Variants in DGKI observed in about 807,000 individuals in gnomAD.
DGKI encodes diacylglycerol kinase iota, also known as DAG kinase iota.
A neutral mutation model predicts 147.5 loss-of-function variants in DGKI; 55 were observed. The ratio of observed to expected loss-of-function variants is 0.37; its 90% CI spans 0.30 to 0.47. The LOEUF is 0.47. Ranked by LOEUF, DGKI falls within the 20% of genes least tolerant of loss-of-function variation. DGKI has a pLI of 1.00. For synonymous variants in DGKI, 469 were observed against 477.1 expected, an observed-to-expected ratio of 0.98 and a Z score of 0.22; for missense variants, 1,007 against 1,323.8, an observed-to-expected ratio of 0.76 and a Z score of 3.71.
At chr7:137,532,670 C>T (rs911716492) in intron 20 of DGKI, among the ~76,000 whole-genome samples, 1 of 152,062 alleles carries the variant, frequency 6.6e-6, no homozygotes, top group African/African-American at 2.4e-5. Flanking sequence ...GGTTTCTTGT[C>T]GGAAATCCAA....
chr7:137,435,952 G>C lies in DGKI; in HGVS notation c.2761+8125C>G, dbSNP rs757747399. Among the ~76,000 whole-genome samples the C allele has an allele frequency of 7.9e-5, 12 of 152,072 alleles. No individual in the cohort carries two copies. In the South Asian group the frequency reaches 1.2e-3, roughly 16 times the overall value. ...GCACCATCATGTCAGGCTTATTTTT[G>C]TATTTTTAGCAGAGGCGAGGTTTCA... On this transcript the variant is annotated intron_variant, in intron 28 of 32. Coordinates refer to ENST00000614521, the MANE Select transcript of DGKI (RefSeq NM_001321708.2).
chr7:137,421,793 G>T (rs529005862), intron 28 of DGKI, among the ~76,000 whole-genome samples: 1 of 152,334 alleles, frequency 6.6e-6, no homozygotes. Context: ...CTATGGGACA[G>T]AAAATACATG....
At chr7:137,469,772 T>G (rs539148549) in intron 23 of DGKI, among the ~76,000 whole-genome samples, 153 bp from the exon 24 acceptor site, 1 of 152,362 alleles carries the variant, frequency 6.6e-6, no homozygotes, top group South Asian at 2.1e-4. Flanking sequence ...AGGGCTCTTT[T>G]TTGAAATTCT....
In DGKI at chr7:137,846,559, C is replaced by A. The variant is rs1169952342; in HGVS notation, c.304G>T (p.Ala102Ser). 1 of 1,445,784 alleles carries A rather than the reference C, an allele frequency of 6.9e-7. No individual in the cohort carries two copies. Among genetic ancestry groups the A allele is most frequent in the Non-Finnish European group, 9.1e-7 (1 of 1,098,024 alleles). 89.6% of individuals were successfully genotyped at this position (1,445,784 alleles called of 1,614,324 possible). The part of the protein sequence containing the change: ...AGSAAAAGAA[A>S]LDEPAAAGQK... Reference sequence around the variant, plus strand: ...CCGGCGGCCGCGGGCTCGTCCAGGGCAGCGGCCCCCGCCGCCGCGGCTGAC... The same window carrying A: ...CCGGCGGCCGCGGGCTCGTCCAGGGAAGCGGCCCCCGCCGCCGCGGCTGAC... Residue 102 changes from alanine (A) to serine (S), a missense_variant, in exon 1 of 33, where the codon GCC becomes TCC. By Grantham distance (99) the Ala-to-Ser change is moderately conservative. Transcript: ENST00000614521. This position sits in a 1 kb window ranked among gnomAD's most constrained non-coding sequence, Gnocchi z 4.0.
At chr7:137,772,881 C>A (rs1796249374) in intron 1 of DGKI, among the ~76,000 whole-genome samples, 1 of 152,134 alleles carries the variant, frequency 6.6e-6, no homozygotes, top group South Asian at 2.1e-4. Context: ...GTCAGTGTGA[C>A]CCTAGAATTA....
At chr7:137,517,044 G>A (rs1010406761) in intron 21 of DGKI, among the ~76,000 whole-genome samples, 1 of 151,296 alleles carries the variant, frequency 6.6e-6, no homozygotes, top group Non-Finnish European at 1.5e-5. Flanking sequence ...TGACATGATG[G>A]GGCAAAAAGC....
intron 27 of DGKI, among the ~76,000 whole-genome samples, chr7:137,456,111 C>T (rs1814195802): frequency 6.6e-6 from 1 of 152,144 alleles, no homozygotes; most frequent in African/African-American, 2.4e-5. Flanking sequence ...CCACTGTGCT[C>T]ACCAACAGTG....
chr7:137,721,222 C>A (rs1794547304), intron 1 of DGKI, among the ~76,000 whole-genome samples: 1 of 152,202 alleles, frequency 6.6e-6, no homozygotes, highest in African/African-American at 2.4e-5. Flanking sequence ...GGCCCTACAC[C>A]ACATTGTTTC....
chr7:137,795,568 C>T (rs763155944), intron 1 of DGKI, among the ~76,000 whole-genome samples: 4 of 152,064 alleles, frequency 2.6e-5, no homozygotes, highest in Non-Finnish European at 5.9e-5. Flanking sequence ...AGAAGCTGAT[C>T]GAAAAACTTA....
At chr7:137,534,611 G>A (rs1350099301) in intron 20 of DGKI, among the ~76,000 whole-genome samples, 3 of 151,872 alleles carry the variant, frequency 2.0e-5, no homozygotes. Flanking sequence ...AATCTGTTAT[G>A]AATAATAGGG....
chr7:137,551,170 G>C (rs1209359410), intron 20 of DGKI, among the ~76,000 whole-genome samples: 1 of 152,152 alleles, frequency 6.6e-6, no homozygotes, highest in Non-Finnish European at 1.5e-5. Flanking sequence ...TTCTGGGAGA[G>C]AAGGAAGGAG....
rs1014329304 is a variant in DGKI at position 137,476,115 on chromosome 7, G to A, written c.2374-6496C>T. Reference sequence around the variant, plus strand: ...ATACAATCCTGAGTCATCCAACCCCGTTACATAGAGGCCAGCTGTCACGAT... The same window carrying A: ...ATACAATCCTGAGTCATCCAACCCCATTACATAGAGGCCAGCTGTCACGAT... On this transcript the variant is annotated intron_variant, in intron 23 of 32. Transcript: ENST00000614521. Among the ~76,000 whole-genome samples, 3 of 152,084 alleles carry A rather than the reference G, an allele frequency of 2.0e-5. 1 individual carries two copies. Among genetic ancestry groups the A allele is most frequent in the East Asian group, 1.9e-4 (1 of 5,182 alleles).
intron 1 of DGKI, among the ~76,000 whole-genome samples, chr7:137,731,026 C>T (rs1487828344): frequency 2.0e-5 from 3 of 152,074 alleles, no homozygotes; most frequent in African/African-American, 4.8e-5. Flanking sequence ...AAGAATCCTA[C>T]TATTCCGCCT....
Position 137,590,942 on chromosome 7 carries a change from G to C in DGKI, c.1312-3732C>G, listed in dbSNP as rs550827257. On this transcript the variant is annotated intron_variant, in intron 12 of 32. Coordinates refer to ENST00000614521, the MANE Select transcript of DGKI (RefSeq NM_001321708.2). ...CAAACTCCTGAGCTCAAAGTGATCC[G>C]CCCGCCAAAGTGCTGGGATTACAGG... Among the ~76,000 whole-genome samples, 543 of 152,276 alleles carry C rather than the reference G, an allele frequency of 3.6e-3. 2 individuals are homozygous for C. Among genetic ancestry groups the C allele is most frequent in the African/African-American group, 0.013 (522 of 41,562 alleles).
intron 1 of DGKI, among the ~76,000 whole-genome samples, chr7:137,755,532 A>G (rs1795651469): frequency 6.6e-6 from 1 of 152,226 alleles, no homozygotes; most frequent in Non-Finnish European, 1.5e-5. Flanking sequence ...AGTGGAAACA[A>G]ATCGACCTGA....
chr7:137,707,934 T>C (rs2081221650), intron 1 of DGKI, among the ~76,000 whole-genome samples: 1 of 152,236 alleles, frequency 6.6e-6, no homozygotes, highest in South Asian at 2.1e-4. Context: ...TGTTTTGTTT[T>C]GTTTTTTGCC....
rs138203111 is a variant in DGKI, at chr7:137,574,590, C to T, written c.1762-1752G>A. 5.3e-4 allele frequency among the ~76,000 whole-genome samples: 80 copies of T among 152,224 alleles called. 1 individual carries two copies. The East Asian group carries it at 0.014, about 26-fold the overall frequency. Reference sequence around the variant, plus strand: ...GATTCTGGGAACTCATCAAATCATACGAAAATGTGGGCCTTACACTGTATA... The same window carrying T: ...GATTCTGGGAACTCATCAAATCATATGAAAATGTGGGCCTTACACTGTATA... On this transcript the variant is annotated intron_variant, in intron 17 of 32. Transcript: ENST00000614521.
At chr7:137,824,484 C>A (rs1239157829) in intron 1 of DGKI, among the ~76,000 whole-genome samples, 1 of 147,110 alleles carries the variant, frequency 6.8e-6, no homozygotes, top group East Asian at 1.9e-4. Context: ...CCACTGCACT[C>A]CAGCCTGGGG....
chr7:137,842,112 T>C (rs1798561274), intron 1 of DGKI, among the ~76,000 whole-genome samples: 1 of 152,172 alleles, frequency 6.6e-6, no homozygotes, highest in Non-Finnish European at 1.5e-5. Context: ...GATCCTACAG[T>C]CTTTAAAAAT....
Sources: allele counts gnomAD v4.1 joint callset (sites outside exome capture counted in the v4.1 genomes callset), GRCh38; gene constraint gnomAD v4.1.1; non-coding constraint Gnocchi (gnomAD v3.1); transcripts MANE v1.5; gene names NCBI Gene and HGNC (gene_info 2026-07-23, HGNC 2026-07-21).